The following DMD variants were observed in gnomAD, a reference collection of about 807,000 sequenced individuals.
The protein encoded by DMD is mutant dystrophin.
DMD carries 63 observed loss-of-function variants against 330.1 expected under a neutral mutation model. That is an observed-to-expected ratio of 0.19 (90% CI 0.16 to 0.24). The LOEUF (loss-of-function observed/expected upper bound fraction) is 0.24. DMD is among the 10% of genes least tolerant of loss of function. The pLI, the probability that DMD is intolerant of heterozygous loss-of-function variation, is 1.00. For synonymous variants in DMD, 1,223 were observed against 959.8 expected (o/e 1.27, Z -5.07); for missense variants, 3,344 against 2,684.1 (o/e 1.25, Z -5.43).
intron 44 of DMD, among the ~76,000 whole-genome samples, chrX:32,030,819 TACA>T (rs1405855531): frequency 2.7e-5 from 3 of 112,009 alleles, no homozygotes; most frequent in Admixed American, 9.5e-5. Flanking sequence ...CTTTAAATCT[TACA>T]ACAAGTCTTC....
chrX:32,180,040 A>G (rs1458533897), intron 44 of DMD, among the ~76,000 whole-genome samples: 1 of 112,006 alleles, frequency 8.9e-6, no homozygotes, highest in Non-Finnish European at 1.9e-5. Flanking sequence ...AATATACATC[A>G]AATATAAAAT....
intron 57 of DMD, among the ~76,000 whole-genome samples, chrX:31,485,965 T>C (rs772523637): frequency 7.1e-5 from 8 of 112,286 alleles, no homozygotes; most frequent in Non-Finnish European, 1.3e-4. Context: ...GCAGAAGCCT[T>C]GGGCTTCAAG....
intron 6 of DMD, among the ~76,000 whole-genome samples, chrX:32,815,520 T>TATATATATACACACACAC: frequency 6.3e-5 from 5 of 78,957 alleles, no homozygotes; most frequent in African/African-American, 2.7e-4. Context: ...TATATATATA[T>TATATATATACACACACAC]ACACACACAC....
chrX:32,828,922 G>A (rs1328819590), intron 4 of DMD, among the ~76,000 whole-genome samples: 1 of 111,263 alleles, frequency 9.0e-6, no homozygotes, highest in Non-Finnish European at 1.9e-5. Context: ...TTCCATGTGT[G>A]AATTGTCTGT....
intron 34 of DMD, among the ~76,000 whole-genome samples, chrX:32,379,901 T>A (rs2097918019): frequency 9.1e-6 from 1 of 110,410 alleles, no homozygotes; most frequent in Admixed American, 9.7e-5. Context: ...TTTCAGGTAA[T>A]CTGGTAATGA....
At chrX:32,877,071 C>A (rs1451620094) in intron 2 of DMD, among the ~76,000 whole-genome samples, 2 of 112,271 alleles carry the variant, frequency 1.8e-5, no homozygotes, top group Non-Finnish European at 3.8e-5. Flanking sequence ...ATTTCATAAT[C>A]ACAGCTTCCC....
chrX:32,581,680 C>T (rs1188773866), intron 13 of DMD, among the ~76,000 whole-genome samples: 1 of 111,479 alleles, frequency 9.0e-6, no homozygotes, highest in Non-Finnish European at 1.9e-5. Flanking sequence ...TTTAAAATTT[C>T]CCATTTGCAA....
chrX:32,810,213 C>T (rs1357268207), intron 6 of DMD, among the ~76,000 whole-genome samples: 2 of 111,320 alleles, frequency 1.8e-5, no homozygotes, highest in Non-Finnish European at 3.8e-5. Flanking sequence ...AAAAGAAAAT[C>T]CTGAAGATGA....
At chrX:31,419,232 C>T (rs908649856) in intron 60 of DMD, among the ~76,000 whole-genome samples, 2 of 103,885 alleles carry the variant, frequency 1.9e-5, no homozygotes, top group African/African-American at 3.5e-5. Context: ...GTGTGAGCCA[C>T]ATTGCCTGGC....
intron 33 of DMD, 104 bp from the exon 34 acceptor site, chrX:32,380,784 A>C: frequency 1.6e-6 from 1 of 628,221 alleles, no homozygotes; most frequent in Non-Finnish European, 2.4e-6. Context: ...TAAAATAACT[A>C]TTTTCTTACA....
At chrX:32,827,635 C>A (rs963254155) in intron 4 of DMD, among the ~76,000 whole-genome samples, 11 of 104,006 alleles carry the variant, frequency 1.1e-4, no homozygotes, top group African/African-American at 3.9e-4. Flanking sequence ...CACTTTATAT[C>A]CATGTGTTCT....
intron 60 of DMD, among the ~76,000 whole-genome samples, chrX:31,393,476 C>CAAAAAA (rs371796978): frequency 7.1e-5 from 2 of 28,088 alleles, no homozygotes; most frequent in Non-Finnish European, 7.5e-5. Flanking sequence ...GACTCCATCT[C>CAAAAAA]AAAAAAAAAA....
intron 47 of DMD, among the ~76,000 whole-genome samples, chrX:31,905,896 T>C (rs59120474): frequency 0.25 from 27,839 of 111,266 alleles, 3,965 homozygotes; most frequent in African/African-American, 0.55. Context: ...AATTATAAAG[T>C]GAATTTTTAA....
chrX:33,167,044 T>C (rs1206921334), intron 1 of DMD, among the ~76,000 whole-genome samples: 1 of 111,150 alleles, frequency 9.0e-6, no homozygotes, highest in Non-Finnish European at 1.9e-5. Flanking sequence ...ACAACATCTA[T>C]GAATGACACT....
At chrX:33,190,967 A>T (rs796406203) in intron 1 of DMD, among the ~76,000 whole-genome samples, 5 of 900 alleles carry the variant, frequency 5.6e-3, no homozygotes, top group East Asian at 0.071. Flanking sequence ...ATATATATAT[A>T]ATATATAATA....
intron 43 of DMD, among the ~76,000 whole-genome samples, chrX:32,270,413 T>G (rs1451189336): frequency 8.9e-6 from 1 of 111,927 alleles, no homozygotes; most frequent in Non-Finnish European, 1.9e-5. Flanking sequence ...CTAACAGAGT[T>G]GTCTGTGTTT....
At chrX:33,163,552 G>GTATATATATATATATATATATATATATA (rs781153726) in intron 1 of DMD, among the ~76,000 whole-genome samples, 4 of 91,003 alleles carry the variant, frequency 4.4e-5, no homozygotes, top group African/African-American at 1.7e-4. Flanking sequence ...ATATATGTGT[G>GTATATATATATATATATATATATATATA]TATATATATA....
At chrX:31,954,023 G>C (rs1480385256) in intron 45 of DMD, among the ~76,000 whole-genome samples, 2 of 110,303 alleles carry the variant, frequency 1.8e-5, no homozygotes, top group Non-Finnish European at 3.8e-5. Flanking sequence ...AAGTCAGTAG[G>C]AGAAACAAGC....
At chrX:31,315,492 G>A (rs2148223334) in intron 62 of DMD, among the ~76,000 whole-genome samples, 1 of 112,281 alleles carries the variant, frequency 8.9e-6, no homozygotes, top group African/African-American at 3.2e-5. Flanking sequence ...TTTCTAACAC[G>A]TGATTATGTA....
Sources: gnomAD v4.1 joint callset for allele counts (sites outside exome capture counted in the v4.1 genomes callset) on GRCh38, gnomAD v4.1.1 for gene constraint, MANE v1.5 for transcripts, NCBI Gene and HGNC (gene_info 2026-07-23, HGNC 2026-07-21) for gene names.